TXK: variants seen among roughly 807,000 people sequenced by gnomAD.
TXK encodes tyrosine-protein kinase TXK.
TXK carries 60 observed loss-of-function variants against 81.0 expected under a neutral mutation model. That is an observed-to-expected ratio of 0.74 (90% CI 0.60 to 0.92). The LOEUF (loss-of-function observed/expected upper bound fraction) is 0.92, where lower values mean the gene tolerates loss of function less well. TXK is among the 40% of genes least tolerant of loss of function. The pLI is 0.00. For synonymous variants in TXK, 203 were observed against 210.7 expected (o/e 0.96, Z 0.32); for missense variants, 581 against 638.3 (o/e 0.91, Z 0.97).
chr4:48,115,230 GTGA>G (rs1718766995), intron 1 of TXK, among the ~76,000 whole-genome samples: 1 of 151,960 alleles, frequency 6.6e-6, no homozygotes, highest in African/African-American at 2.4e-5. Flanking sequence ...GCCCTGGTGT[GTGA>G]TGTTCCCCTC....
At position 48,084,871 on chromosome 4, in the gene TXK, G is replaced by C. The variant is rs186378524; in HGVS notation, c.956+1595C>G. ...GAATGGGTCCAGTTAATCGAGAATGGGTCCAGTTAATCGAGAATGGGTCCA... is the reference window on the plus strand; with the variant it reads ...GAATGGGTCCAGTTAATCGAGAATGCGTCCAGTTAATCGAGAATGGGTCCA... On this transcript the variant is annotated intron_variant, in intron 10 of 14. Coordinates refer to ENST00000264316, the MANE Select transcript of TXK (RefSeq NM_003328.3). 9.2e-4 allele frequency among the ~76,000 whole-genome samples: 140 copies of C among 152,254 alleles called. 1 individual carries two copies. Among genetic ancestry groups the C allele is most frequent in the Non-Finnish European group, 4.7e-4 (32 of 67,996 alleles).
intron 6 of TXK, among the ~76,000 whole-genome samples, chr4:48,101,045 T>C (rs147662283): frequency 4.7e-4 from 72 of 152,194 alleles, no homozygotes; most frequent in African/African-American, 1.7e-3. Flanking sequence ...AAACTAATAG[T>C]AGTTTTTCTG....
At chr4:48,109,170 C>G (rs949398935) in intron 5 of TXK, among the ~76,000 whole-genome samples, 3 of 143,508 alleles carry the variant, frequency 2.1e-5, no homozygotes, top group South Asian at 4.5e-4. Flanking sequence ...GAGTAGATAG[C>G]TGTGGAACTG....
At chr4:48,088,824 T>C (rs1717638569) in intron 9 of TXK, among the ~76,000 whole-genome samples, 1 of 152,202 alleles carries the variant, frequency 6.6e-6, no homozygotes, top group African/African-American at 2.4e-5. Flanking sequence ...CCCACTTAAC[T>C]TAATGAGATC....
At chr4:48,108,302 T>G (rs1219581599) in intron 5 of TXK, among the ~76,000 whole-genome samples, 1 of 152,206 alleles carries the variant, frequency 6.6e-6, no homozygotes, top group African/African-American at 2.4e-5. Flanking sequence ...TAGCCCAAAC[T>G]GTAAATGTTT....
intron 9 of TXK, among the ~76,000 whole-genome samples, chr4:48,087,568 T>TG (rs1167600907): frequency 6.6e-6 from 1 of 152,108 alleles, no homozygotes; most frequent in Non-Finnish European, 1.5e-5. Flanking sequence ...CCCAAGTAGC[T>TG]GGGATTACAG....
chr4:48,114,539 CAAAT>C (rs1718741949), intron 1 of TXK, 137 bp from the exon 2 acceptor site: 16 of 848,030 alleles, frequency 1.9e-5, no homozygotes, highest in Non-Finnish European at 2.5e-5. Context: ...TAGTGGAAGA[CAAAT>C]AACTGTCACT....
chr4:48,080,662 TCA>T (rs57819050), intron 10 of TXK, among the ~76,000 whole-genome samples: 7,124 of 144,444 alleles, frequency 0.049, 189 homozygotes, highest in East Asian at 0.076. Context: ...TATTTGGTAA[TCA>T]CACACACACA....
intron 6 of TXK, among the ~76,000 whole-genome samples, chr4:48,095,950 G>C (rs1246379262): frequency 1.3e-5 from 2 of 152,158 alleles, no homozygotes; most frequent in African/African-American, 4.8e-5. Context: ...GCTTTACTGA[G>C]TGTGCTTATG....
chr4:48,091,290 A>G (rs1717760504), intron 8 of TXK, among the ~76,000 whole-genome samples: 1 of 152,204 alleles, frequency 6.6e-6, no homozygotes, highest in African/African-American at 2.4e-5. Flanking sequence ...GAGGTAACGC[A>G]TGAGATGAAA....
intron 13 of TXK, 126 bp from the exon 14 acceptor site, chr4:48,071,800 T>C (rs1716870048): frequency 2.9e-6 from 3 of 1,032,990 alleles, no homozygotes; most frequent in East Asian, 2.5e-5. Flanking sequence ...CCATCCTGAA[T>C]AACAGCGGTT....
At chr4:48,120,850 G>A (rs985673678) in intron 1 of TXK, among the ~76,000 whole-genome samples, 1 of 148,170 alleles carries the variant, frequency 6.7e-6, no homozygotes, top group African/African-American at 2.5e-5. Context: ...CAGTCAGGCT[G>A]TCATCTCTAC....
intron 5 of TXK, among the ~76,000 whole-genome samples, chr4:48,106,987 C>T (rs1220669524): frequency 6.6e-6 from 1 of 152,200 alleles, no homozygotes; most frequent in South Asian, 2.1e-4. Flanking sequence ...TTTCCAGGAT[C>T]ATTTAAAGAC....
chr4:48,104,731 G>C (rs1398297641), intron 6 of TXK, among the ~76,000 whole-genome samples, 170 bp downstream of exon 6: 1 of 147,008 alleles, frequency 6.8e-6, no homozygotes, highest in Non-Finnish European at 1.5e-5. Flanking sequence ...TGGAAAACAT[G>C]ATCTAATACA....
intron 6 of TXK, among the ~76,000 whole-genome samples, chr4:48,097,985 G>A (rs1718049764): frequency 6.6e-6 from 1 of 151,894 alleles, no homozygotes; most frequent in South Asian, 2.1e-4. Context: ...CTCACCTTGC[G>A]ATCCGCCCGC....
Position 48,134,164 on chromosome 4 carries a change from G to C in TXK, c.7C>G (p.Leu3Val), listed in dbSNP as rs140806716. 142 of 1,613,256 alleles carry C rather than the reference G, an allele frequency of 8.8e-5. No homozygotes were observed. The highest frequency in any genetic ancestry group is 1.1e-4 in the Non-Finnish European group (129 of 1,179,716). ...AGCCCATCTTACTCACAGGAGGAAA[G>C]GATCATGGTAGCCCCTTCTGCGGGG... MI[L>V]SSYNTIQSVF... Residue 3 changes from leucine (L) to valine (V), a missense_variant, in exon 1 of 15, where the codon CTT becomes GTT. Coordinates refer to ENST00000264316, the MANE Select transcript of TXK (RefSeq NM_003328.3).
At chr4:48,099,730 G>A (rs1718115763) in intron 6 of TXK, among the ~76,000 whole-genome samples, 1 of 152,126 alleles carries the variant, frequency 6.6e-6, no homozygotes, top group African/African-American at 2.4e-5. Flanking sequence ...CAAGTAGAAA[G>A]CCCAGATATA....
At chr4:48,112,564 T>TA in intron 3 of TXK, 52 bp from the exon 4 acceptor site, 1 of 1,521,898 alleles carries the variant, frequency 6.6e-7, no homozygotes, top group Non-Finnish European at 8.8e-7. Flanking sequence ...TAATTTGTAC[T>TA]AAAAAATATA....
At position 48,123,278 on chromosome 4, in the gene TXK, C is replaced by T. The variant is rs149678809; in HGVS notation, c.17-8876G>A. ...TATGATTGATAGCTTTCTACATGTA[C>T]ATAACTTTTAGTGATAGATGCAAAA... is the stretch of plus-strand genomic sequence containing the variant. On this transcript the variant is annotated intron_variant, in intron 1 of 14. Transcript: ENST00000264316. Among the ~76,000 whole-genome samples, 650 of 152,264 alleles carry T rather than the reference C, an allele frequency of 4.3e-3. 5 individuals are homozygous for T. The highest frequency in any genetic ancestry group is 0.015 in the African/African-American group (631 of 41,548).
Sources: gnomAD v4.1 joint callset for allele counts (sites outside exome capture counted in the v4.1 genomes callset) on GRCh38, gnomAD v4.1.1 for gene constraint, MANE v1.5 for transcripts, NCBI Gene and HGNC (gene_info 2026-07-23, HGNC 2026-07-21) for gene names.